The following PCDHA13 variants were observed in gnomAD, a reference collection of about 807,000 sequenced individuals.
PCDHA13 encodes protocadherin alpha-13.
PCDHA13 carries 54 observed loss-of-function variants against 64.8 expected under a neutral mutation model. That is an observed-to-expected ratio of 0.83 (90% CI 0.67 to 1.04). The LOEUF (loss-of-function observed/expected upper bound fraction) is 1.04. Ranked by LOEUF, PCDHA13 falls within the 50% of genes least tolerant of loss-of-function variation. The pLI is 0.00. For synonymous variants in PCDHA13, 587 were observed against 564.4 expected (o/e 1.04, Z -0.57); for missense variants, 1,248 against 1,254.3 (o/e 0.99, Z 0.08).
intron 1 of PCDHA13, chr5:140,926,897 T>C: frequency 1.3e-6 from 2 of 1,548,696 alleles, no homozygotes; most frequent in Non-Finnish European, 1.7e-6. Context: ...GGGAGGATGG[T>C]GGGCTGTGGG....
chr5:140,943,139 TC>T (rs1314499841), intron 1 of PCDHA13, among the ~76,000 whole-genome samples: 5 of 151,168 alleles, frequency 3.3e-5, no homozygotes, highest in Non-Finnish European at 5.9e-5. Flanking sequence ...GTGCCTGTAG[TC>T]CCAGCTACTC....
At chr5:140,884,941 C>T (rs1326188943) in intron 1 of PCDHA13, among the ~76,000 whole-genome samples, 1 of 152,116 alleles carries the variant, frequency 6.6e-6, no homozygotes, top group Admixed American at 6.5e-5. Context: ...TGCAATTGAG[C>T]ATTTACAAAA....
In PCDHA13 at chr5:140,884,522, C is replaced by T; in HGVS notation, c.2254C>T (p.Gln752Ter). 1 of 1,614,058 alleles carries T rather than the reference C, an allele frequency of 6.2e-7. No homozygotes were observed. ...CGCGGCAGGGAGTTGGTCGTACTCGCAGCAGAGGCGGCCGAGGGTGTGCTC... is the reference window on the plus strand; with the variant it reads ...CGCGGCAGGGAGTTGGTCGTACTCGTAGCAGAGGCGGCCGAGGGTGTGCTC... ...SSAAGSWSYS[Q>*]QRRPRVCSGE... is the part of the protein sequence containing the mutation. Residue 752 changes from glutamine (Q) to a stop codon, truncating the protein, a stop_gained, in exon 1 of 4, where the codon CAG becomes TAG. Coordinates refer to ENST00000289272, the MANE Select transcript of PCDHA13 (RefSeq NM_018904.3). LOFTEE classifies it high-confidence loss of function.
intron 3 of PCDHA13, among the ~76,000 whole-genome samples, chr5:141,000,371 C>G (rs868969531): frequency 6.1e-5 from 3 of 49,260 alleles, no homozygotes; most frequent in Admixed American, 2.7e-4. Flanking sequence ...GTCTCTCTCT[C>G]TCTCTCTCTC....
intron 1 of PCDHA13, among the ~76,000 whole-genome samples, chr5:140,915,722 A>G (rs559518429): frequency 1.3e-5 from 2 of 151,088 alleles, no homozygotes; most frequent in South Asian, 4.2e-4. Flanking sequence ...CCCACTTTGG[A>G]TTGTGCTGGG....
intron 1 of PCDHA13, among the ~76,000 whole-genome samples, chr5:140,914,442 CT>C (rs782585142): frequency 1.5e-4 from 23 of 152,072 alleles, no homozygotes; most frequent in Non-Finnish European, 2.9e-4. Context: ...TTTCCCATGT[CT>C]TTATTTTCCA....
chr5:140,947,347 G>A (rs1554218167), intron 1 of PCDHA13, among the ~76,000 whole-genome samples: 1 of 151,534 alleles, frequency 6.6e-6, no homozygotes, highest in Non-Finnish European at 1.5e-5. Context: ...CTTAATTCTG[G>A]ACTCTATTTC....
At chr5:140,927,200 AC>A in intron 1 of PCDHA13, 1 of 1,614,014 alleles carries the variant, frequency 6.2e-7, no homozygotes, top group Non-Finnish European at 8.5e-7. Context: ...GTGCTCGAGG[AC>A]CCGCTGGAGC....
intron 1 of PCDHA13, among the ~76,000 whole-genome samples, chr5:140,913,292 T>G (rs1252467748): frequency 6.6e-6 from 1 of 152,184 alleles, no homozygotes; most frequent in African/African-American, 2.4e-5. Flanking sequence ...AGGTTTTAAT[T>G]TCTTCATAGA....
At chr5:140,954,305 T>C (rs2153702260) in intron 1 of PCDHA13, among the ~76,000 whole-genome samples, 1 of 152,342 alleles carries the variant, frequency 6.6e-6, no homozygotes, top group South Asian at 2.1e-4. Context: ...TACCCAGTAA[T>C]GGGATTGCTG....
intron 2 of PCDHA13, among the ~76,000 whole-genome samples, chr5:140,980,115 G>A (rs1263722649): frequency 6.6e-6 from 1 of 152,142 alleles, no homozygotes; most frequent in African/African-American, 2.4e-5. Flanking sequence ...ATTGGAACCT[G>A]GGTCATAATT....
chr5:140,948,315 G>A (rs246048), intron 1 of PCDHA13, among the ~76,000 whole-genome samples: 85,363 of 151,182 alleles, frequency 0.56, 24,689 homozygotes, highest in African/African-American at 0.69. Context: ...TTCTTGAGGG[G>A]TAATGTTTTC....
intron 1 of PCDHA13, among the ~76,000 whole-genome samples, chr5:140,964,896 G>A (rs868917865): frequency 6.6e-6 from 1 of 152,170 alleles, no homozygotes. Context: ...TAGGAGGCTG[G>A]GCGCTTCTCT....
intron 1 of PCDHA13, among the ~76,000 whole-genome samples, chr5:140,900,537 A>G (rs2068113323): frequency 6.6e-6 from 1 of 152,204 alleles, no homozygotes; most frequent in African/African-American, 2.4e-5. Context: ...TCGGCTTTCC[A>G]AAGTGCTGGG....
intron 1 of PCDHA13, among the ~76,000 whole-genome samples, chr5:140,913,735 G>A (rs1416656981): frequency 6.6e-6 from 1 of 151,834 alleles, no homozygotes; most frequent in Non-Finnish European, 1.5e-5. Context: ...CCCTCTAATA[G>A]TACTCCTTTT....
Position 140,882,942 on chromosome 5 carries a change from C to T in PCDHA13, c.674C>T (p.Thr225Ile), listed in dbSNP as rs2059373370. The change falls in exon 1 of 4, where the codon ACA (threonine) becomes ATA (isoleucine). Residue 225 changes from threonine (T) to isoleucine (I), a missense_variant. Transcript: ENST00000289272. ...GGAGGTAAACCCGAGCTGACTGGCACAGTTCAGCTGCTCATCACGATTCTG... is the reference window on the plus strand; with the variant it reads ...GGAGGTAAACCCGAGCTGACTGGCATAGTTCAGCTGCTCATCACGATTCTG... ...SDGGKPELTG[T>I]VQLLITILDV... 1 of 1,614,224 alleles carries T rather than the reference C, an allele frequency of 6.2e-7. No individual in the cohort carries two copies.
At chr5:140,972,660 A>ATTTTTTTT (rs11350929) in intron 1 of PCDHA13, among the ~76,000 whole-genome samples, 1 of 117,268 alleles carries the variant, frequency 8.5e-6, no homozygotes, top group Non-Finnish European at 1.7e-5. Context: ...AAGAAACCAA[A>ATTTTTTTT]TTTTTTTTTT....
chr5:140,989,722 A>C (rs1472933877), intron 3 of PCDHA13, among the ~76,000 whole-genome samples: 1 of 152,224 alleles, frequency 6.6e-6, no homozygotes, highest in African/African-American at 2.4e-5. Context: ...TCAGCTTTGC[A>C]GTTGAAAAGG....
chr5:140,928,573 A>G (rs1353807568), intron 1 of PCDHA13: 2 of 1,614,110 alleles, frequency 1.2e-6, no homozygotes, highest in African/African-American at 1.3e-5. Context: ...TCCCTTGCCC[A>G]GAAATGGTTC....
Sources: allele counts gnomAD v4.1 joint callset (sites outside exome capture counted in the v4.1 genomes callset), GRCh38; gene constraint gnomAD v4.1.1; transcripts MANE v1.5; gene names NCBI Gene and HGNC (gene_info 2026-07-23, HGNC 2026-07-21).